The following RNLS variants were observed in gnomAD, a reference collection of about 807,000 sequenced individuals.
RNLS encodes the protein renalase, FAD dependent amine oxidase.
RNLS carries 39 observed loss-of-function variants against 39.8 expected under a neutral mutation model. The observed-to-expected ratio is 0.98, with a 90% CI of 0.76 to 1.28. RNLS has a LOEUF of 1.28. Among genes scored for constraint, RNLS ranks in the 50% most tolerant of loss-of-function variants. The probability of loss-of-function intolerance (pLI) is 0.00; values close to 1 mark genes in which losing one functional copy is unlikely to be tolerated. For missense variants in RNLS, 410 were observed against 413.3 expected, an observed-to-expected ratio of 0.99 and a Z score of 0.07; for synonymous variants, 147 against 150.7, an observed-to-expected ratio of 0.98 and a Z score of 0.18.
At chr10:88,322,614 C>A (rs1459801703) in intron 5 of RNLS, among the ~76,000 whole-genome samples, 1 of 152,190 alleles carries the variant, frequency 6.6e-6, no homozygotes, top group Admixed American at 6.5e-5. Flanking sequence ...GGGGCCTTCC[C>A]AGCCATGCAG....
chr10:88,354,371 G>T (rs1848977113), intron 5 of RNLS, among the ~76,000 whole-genome samples: 1 of 152,124 alleles, frequency 6.6e-6, no homozygotes, highest in Admixed American at 6.5e-5. Flanking sequence ...TCCTTTCCAT[G>T]TTTAGTGCTT....
chr10:88,455,393 T>A (rs995947073), intron 4 of RNLS, among the ~76,000 whole-genome samples: 1 of 152,164 alleles, frequency 6.6e-6, no homozygotes, highest in Non-Finnish European at 1.5e-5. Context: ...TCTAACTACA[T>A]GGCCTTATAA....
chr10:88,436,384 A>G (rs1841413345), intron 4 of RNLS, among the ~76,000 whole-genome samples: 2 of 152,146 alleles, frequency 1.3e-5, no homozygotes, highest in African/African-American at 2.4e-5. Flanking sequence ...AATCAGGTAT[A>G]ACCTCGGGCC....
At chr10:88,356,367 G>A (rs757614508) in intron 5 of RNLS, among the ~76,000 whole-genome samples, 2 of 152,090 alleles carry the variant, frequency 1.3e-5, no homozygotes, top group African/African-American at 2.4e-5. Flanking sequence ...ACTGCCCCCC[G>A]ATTCAATTCT....
At chr10:88,544,082 C>T (rs1386374732) in intron 4 of RNLS, among the ~76,000 whole-genome samples, 1 of 152,180 alleles carries the variant, frequency 6.6e-6, no homozygotes, top group Non-Finnish European at 1.5e-5. Flanking sequence ...CTTTTCCATA[C>T]TTAAGTTCAT....
chr10:88,332,315 G>T (rs958457781), intron 5 of RNLS, among the ~76,000 whole-genome samples: 6 of 152,228 alleles, frequency 3.9e-5, no homozygotes, highest in African/African-American at 1.4e-4. Context: ...AGTTTTAATT[G>T]AAGAGTAAAG....
the RNLS span, among the ~76,000 whole-genome samples, chr10:88,252,164 C>T: frequency 6.6e-6 from 1 of 152,132 alleles, no homozygotes; most frequent in Non-Finnish European, 1.5e-5. Flanking sequence ...CCCCAGGACG[C>T]TTTTCCATCT....
intron 5 of RNLS, among the ~76,000 whole-genome samples, chr10:88,359,107 G>A (rs1849425271): frequency 6.6e-6 from 1 of 152,118 alleles, no homozygotes; most frequent in Non-Finnish European, 1.5e-5. Flanking sequence ...GAGGTCAGGG[G>A]TTCAAGACCA....
intron 4 of RNLS, among the ~76,000 whole-genome samples, chr10:88,427,654 C>T (rs1463822698): frequency 6.6e-6 from 1 of 151,882 alleles, no homozygotes; most frequent in Non-Finnish European, 1.5e-5. Flanking sequence ...AATCTACTTA[C>T]TATTTGATAC....
chr10:88,176,778 C>T, the RNLS span, among the ~76,000 whole-genome samples: 4 of 152,084 alleles, frequency 2.6e-5, no homozygotes. Flanking sequence ...TTTGTAGGGA[C>T]AGTCTTTTAA....
At chr10:88,557,251 T>C (rs1848924106) in intron 4 of RNLS, among the ~76,000 whole-genome samples, 1 of 152,186 alleles carries the variant, frequency 6.6e-6, no homozygotes, top group Non-Finnish European at 1.5e-5. Flanking sequence ...TGATTTCCTT[T>C]GGCTATTTCA....
At chr10:88,523,489 C>T (rs1458113055) in intron 4 of RNLS, among the ~76,000 whole-genome samples, 1 of 152,132 alleles carries the variant, frequency 6.6e-6, no homozygotes, top group African/African-American at 2.4e-5. Context: ...TATTCCACTT[C>T]ACTTCCTTTC....
intron 4 of RNLS, among the ~76,000 whole-genome samples, chr10:88,430,509 AC>A (rs993869416): frequency 6.6e-6 from 1 of 151,704 alleles, no homozygotes; most frequent in Non-Finnish European, 1.5e-5. Flanking sequence ...GTACTGTCTA[AC>A]CCCCCTAGTT....
intron 4 of RNLS, among the ~76,000 whole-genome samples, chr10:88,531,426 G>A (rs904135439): frequency 2.0e-5 from 3 of 151,968 alleles, no homozygotes; most frequent in Admixed American, 6.6e-5. Flanking sequence ...AAAAACCCCC[G>A]TTAGATTAGG....
chr10:88,229,527 A>G, the RNLS span, among the ~76,000 whole-genome samples: 1 of 152,242 alleles, frequency 6.6e-6, no homozygotes, highest in Non-Finnish European at 1.5e-5. Context: ...CAGTTTACAT[A>G]TTATGTAAGT....
At chr10:88,505,408 TGTGA>T (rs1159100259) in intron 4 of RNLS, among the ~76,000 whole-genome samples, 7 of 149,182 alleles carry the variant, frequency 4.7e-5, no homozygotes, top group African/African-American at 7.4e-5. Flanking sequence ...TGTTTGTGAG[TGTGA>T]GTGAGACAGA....
At chr10:88,401,935 A>G (rs1166347229) in intron 4 of RNLS, among the ~76,000 whole-genome samples, 1 of 152,004 alleles carries the variant, frequency 6.6e-6, no homozygotes, top group African/African-American at 2.4e-5. Flanking sequence ...TCTTAAAAGC[A>G]TTTAACCAAA....
intron 4 of RNLS, among the ~76,000 whole-genome samples, chr10:88,492,363 C>T (rs1157436765): frequency 2.0e-5 from 3 of 151,458 alleles, no homozygotes; most frequent in African/African-American, 4.8e-5. Context: ...AAGCTGCTAA[C>T]GTATTTATAG....
chr10:88,244,276 C>T, the RNLS span, among the ~76,000 whole-genome samples: 14 of 152,188 alleles, frequency 9.2e-5, no homozygotes, highest in Non-Finnish European at 2.1e-4. Context: ...CCTCCTCCTC[C>T]TTGTTCCTCA....
Sources: gnomAD v4.1 joint callset for allele counts (sites outside exome capture counted in the v4.1 genomes callset) on GRCh38, gnomAD v4.1.1 for gene constraint, MANE v1.5 for transcripts, NCBI Gene and HGNC (gene_info 2026-07-23, HGNC 2026-07-21) for gene names.